MARF1: variants seen among roughly 807,000 people sequenced by gnomAD.
MARF1 encodes limkain-b1.
In MARF1, 24 loss-of-function variants were observed where a neutral mutation model predicts 168.2. The ratio of observed to expected loss-of-function variants is 0.14; its 90% CI spans 0.10 to 0.20. MARF1 has a LOEUF of 0.20. MARF1 is among the 10% of genes least tolerant of loss of function. The pLI, the probability that MARF1 is intolerant of heterozygous loss-of-function variation, is 1.00. For synonymous variants in MARF1, 868 were observed against 822.4 expected (o/e 1.06, Z -0.95); for missense variants, 1,744 against 2,143.6 (o/e 0.81, Z 3.68).
In MARF1 at chr16:15,599,094, A is replaced by T. The variant is rs1386202716; in HGVS notation, c.4814-70T>A. 5.1e-6 allele frequency: 7 copies of T among 1,384,782 alleles called. No individual in the cohort carries two copies. The African/African-American group carries it at 1.0e-4, about 20-fold the overall frequency. 85.8% of individuals were successfully genotyped at this position (1,384,782 alleles called of 1,614,324 possible). A position where few individuals can be genotyped will look rare whatever the true frequency, so the allele number is the denominator to read the frequency against. Reference sequence around the variant, plus strand: ...CACCCCCAGCACACACCCTGGGCTCACACCTGAAGTTTTCCTTCTAAGCCT... The same window carrying T: ...CACCCCCAGCACACACCCTGGGCTCTCACCTGAAGTTTTCCTTCTAAGCCT... On this transcript the variant is annotated intron_variant, in intron 25 of 26. Transcript: ENST00000396368.
At chr16:15,640,131 C>T (rs1030154464) in intron 1 of MARF1, among the ~76,000 whole-genome samples, 2 of 152,162 alleles carry the variant, frequency 1.3e-5, no homozygotes, top group African/African-American at 2.4e-5. Flanking sequence ...GTAAAAGAGC[C>T]ACCACCACAT....
intron 5 of MARF1, among the ~76,000 whole-genome samples, 175 bp from the exon 6 acceptor site, chr16:15,631,673 C>G (rs565884764): frequency 1.7e-3 from 262 of 152,240 alleles, no homozygotes; most frequent in Middle Eastern, 6.8e-3. Context: ...GTTTGCTGCA[C>G]CTATCAACCC....
At chr16:15,604,603 C>G (rs555286964) in intron 21 of MARF1, among the ~76,000 whole-genome samples, 1 of 152,146 alleles carries the variant, frequency 6.6e-6, no homozygotes, top group South Asian at 2.1e-4. Context: ...CTGTCCTCCC[C>G]CTGCCGGTCC....
intron 14 of MARF1, 33 bp from the exon 15 acceptor site, chr16:15,617,204 A>G (rs762773228): frequency 1.2e-6 from 2 of 1,612,940 alleles, no homozygotes; most frequent in Non-Finnish European, 1.7e-6. Flanking sequence ...GGAAGCTGAC[A>G]TTCCGCAGGG....
rs1238524837 is a variant in MARF1, at chr16:15,643,072, C to G, written c.-113G>C. On this transcript the variant is annotated 5_prime_UTR_variant, in exon 1 of 27. Coordinates refer to ENST00000396368, the MANE Select transcript of MARF1 (RefSeq NM_014647.4). ...TTCCGGCCCCGCCGCCTTCCCCCCG[C>G]CCCCCCCAGGCCCTTTGTTTTGATT... The G allele has an allele frequency of 3.6e-6, 1 of 275,954 alleles. No individual in the cohort carries two copies. Among genetic ancestry groups the G allele is most frequent in the Non-Finnish European group, 7.0e-6 (1 of 142,460 alleles). The allele number at this position is 275,954 out of a possible 1,614,324, so 17.1% of individuals were successfully genotyped here. A position where few individuals can be genotyped will look rare whatever the true frequency, so the allele number is the denominator to read the frequency against.
intron 16 of MARF1, among the ~76,000 whole-genome samples, chr16:15,615,308 C>G (rs1267354813): frequency 6.6e-6 from 1 of 151,942 alleles, no homozygotes; most frequent in Admixed American, 6.6e-5. Context: ...GCAGCCTGGA[C>G]AACACAGCAA....
chr16:15,602,745 G>A (rs1263949986), intron 22 of MARF1: 4 of 421,962 alleles, frequency 9.5e-6, no homozygotes, highest in South Asian at 3.4e-5. Context: ...GCAGCGGTCT[G>A]AAGAGACAGT....
At chr16:15,629,803 A>G (rs2035128226) in intron 7 of MARF1, among the ~76,000 whole-genome samples, 1 of 152,218 alleles carries the variant, frequency 6.6e-6, no homozygotes, top group South Asian at 2.1e-4. Context: ...AACAGGCTAC[A>G]CACAGGTGGA....
intron 7 of MARF1, among the ~76,000 whole-genome samples, chr16:15,627,529 A>C (rs531209767): frequency 4.8e-4 from 73 of 152,236 alleles, no homozygotes; most frequent in African/African-American, 1.7e-3. Context: ...GAGGAAGGAG[A>C]ATCAATTGAA....
intron 4 of MARF1, among the ~76,000 whole-genome samples, chr16:15,634,524 T>C (rs1200689616): frequency 6.6e-6 from 1 of 152,162 alleles, no homozygotes; most frequent in East Asian, 1.9e-4. Context: ...CCTGATATAC[T>C]ACCAATTTTT....
At chr16:15,603,745 C>T (rs928175562) in intron 22 of MARF1, among the ~76,000 whole-genome samples, 4 of 141,596 alleles carry the variant, frequency 2.8e-5, no homozygotes, top group East Asian at 2.0e-4. Context: ...AATCTTGGAG[C>T]GCCATTCTTG....
chr16:15,622,861 T>C (rs1332328097), intron 11 of MARF1, 73 bp downstream of exon 11: 5 of 1,269,518 alleles, frequency 3.9e-6, no homozygotes, highest in Non-Finnish European at 4.3e-6. Flanking sequence ...GTTATGTATA[T>C]CAAATTAGGT....
rs754527359 is a variant in MARF1, at chr16:15,630,523, AC to A, written c.1352-20del. 2 of 1,598,096 alleles carry A rather than the reference AC, an allele frequency of 1.3e-6. No individual in the cohort carries two copies. The highest frequency in any genetic ancestry group is 1.7e-6 in the Non-Finnish European group (2 of 1,171,228). ...ACATCAGCTGAAAGAAAAGGTACAG[AC>A]CAACCCCATCCCCAAACATTAGAAA... On this transcript the variant is annotated intron_variant, in intron 6 of 26. Transcript: ENST00000396368.
intron 17 of MARF1, 73 bp from the exon 18 acceptor site, chr16:15,611,807 T>C (rs2033585197): frequency 7.7e-7 from 1 of 1,299,572 alleles, no homozygotes; most frequent in Non-Finnish European, 1.1e-6. Context: ...TGGCTCACCC[T>C]CTCGTTACTA....
At chr16:15,608,924 A>T (rs755467222) in intron 20 of MARF1, among the ~76,000 whole-genome samples, 6 of 152,210 alleles carry the variant, frequency 3.9e-5, no homozygotes, top group African/African-American at 1.4e-4. Flanking sequence ...TTAAAAGTAT[A>T]AAAGTAATGA....
chr16:15,605,469 C>A (rs2032927995), intron 21 of MARF1, among the ~76,000 whole-genome samples: 1 of 152,082 alleles, frequency 6.6e-6, no homozygotes, highest in African/African-American at 2.4e-5. Context: ...GATTATGGGA[C>A]TGTATAGATT....
In MARF1 at chr16:15,625,748, T is replaced by C. The variant is rs2034798191; in HGVS notation, c.1577A>G (p.Lys526Arg). The change falls in exon 8 of 27, where the codon AAG becomes AGG. Residue 526 changes from lysine (K) to arginine (R), a missense_variant. Transcript: ENST00000396368. ...GCGTCTGAGCCTGTTGCTGACGCTC[T>C]TGCCATCCTTATTTGCTGGTAGGTT... Reference protein sequence around the residue: ...VYNLPANKDGKSVSNRLRRLS... With the variant: ...VYNLPANKDGRSVSNRLRRLS... 1 of 1,613,970 alleles carries C rather than the reference T, an allele frequency of 6.2e-7. No individual in the cohort carries two copies. Among genetic ancestry groups the C allele is most frequent in the Non-Finnish European group, 8.5e-7 (1 of 1,179,966 alleles).
In MARF1 at chr16:15,598,100, G is replaced by A. The variant is rs140755554; in HGVS notation, c.4984+754C>T. 2.3e-3 allele frequency among the ~76,000 whole-genome samples: 352 copies of A among 152,294 alleles called. 1 individual carries two copies. Among genetic ancestry groups the A allele is most frequent in the African/African-American group, 8.0e-3 (333 of 41,558 alleles). On this transcript the variant is annotated intron_variant, in intron 26 of 26. Transcript: ENST00000396368. The stretch of plus-strand genomic sequence containing the variant: ...ACAGATGAAGAGCAGGGAGGGATCT[G>A]TACAGGGCAGATGGGCCATCCTCTC...
chr16:15,628,431 GAC>G (rs1411949086), intron 7 of MARF1, among the ~76,000 whole-genome samples: 1 of 151,272 alleles, frequency 6.6e-6, no homozygotes, highest in Non-Finnish European at 1.5e-5. Context: ...GATTTTTTGA[GAC>G]ACAGTCTACT....
Sources: gnomAD v4.1 joint callset for allele counts (sites outside exome capture counted in the v4.1 genomes callset) on GRCh38, gnomAD v4.1.1 for gene constraint, MANE v1.5 for transcripts, NCBI Gene and HGNC (gene_info 2026-07-23, HGNC 2026-07-21) for gene names.